JMJD1C: variants seen among roughly 807,000 people sequenced by gnomAD.
JMJD1C encodes jumonji domain containing 1C, also known as jumonji domain-containing protein 1C.
A neutral mutation model predicts 245.3 loss-of-function variants in JMJD1C; 31 were observed. That is an observed-to-expected ratio of 0.13 (90% CI 0.09 to 0.17). The LOEUF is 0.17. Among genes scored for constraint, JMJD1C ranks in the 10% least tolerant of loss-of-function variants. The probability of loss-of-function intolerance (pLI) is 1.00; values close to 1 mark genes in which losing one functional copy is unlikely to be tolerated. For synonymous variants in JMJD1C, 1,057 were observed against 1,017.4 expected (o/e 1.04, Z -0.74); for missense variants, 2,691 against 3,000.2 (o/e 0.90, Z 2.41).
intron 2 of JMJD1C, among the ~76,000 whole-genome samples, chr10:63,266,858 T>C (rs1037190988): frequency 6.6e-6 from 1 of 152,116 alleles, no homozygotes; most frequent in Non-Finnish European, 1.5e-5. Flanking sequence ...AGTCATTTTA[T>C]AATATGAAAA....
chr10:63,500,085 A>G (rs1302086674), intron 1 of JMJD1C, among the ~76,000 whole-genome samples: 2 of 152,234 alleles, frequency 1.3e-5, no homozygotes, highest in African/African-American at 4.8e-5. Flanking sequence ...GAGGCCTGGC[A>G]TGTAATTCAT....
chr10:63,504,005 A>G (rs1287914226), intron 1 of JMJD1C, among the ~76,000 whole-genome samples: 1 of 152,158 alleles, frequency 6.6e-6, no homozygotes, highest in Admixed American at 6.5e-5. Flanking sequence ...TTGAGCTGCT[A>G]CAAGCCACAC....
At chr10:63,465,358 G>A (rs1589800924) in intron 1 of JMJD1C, 137 bp downstream of exon 1, 2 of 900,496 alleles carry the variant, frequency 2.2e-6, no homozygotes, top group East Asian at 5.3e-5. Context: ...GCGGGCAAAC[G>A]CGCCAAGGGT....
intron 5 of JMJD1C, among the ~76,000 whole-genome samples, chr10:63,216,436 C>T (rs776318656): frequency 2.0e-5 from 3 of 152,044 alleles, no homozygotes; most frequent in Middle Eastern, 3.2e-3. Flanking sequence ...AGGAGCCGGG[C>T]GCGGTGGCTC....
intron 1 of JMJD1C, chr10:63,465,221 G>A: frequency 2.5e-6 from 1 of 396,758 alleles, no homozygotes; most frequent in Non-Finnish European, 4.5e-6. Flanking sequence ...GCCACAGCGG[G>A]GAGCCGCGGT....
intron 22 of JMJD1C, among the ~76,000 whole-genome samples, chr10:63,182,352 G>A (rs969486935): frequency 6.6e-6 from 1 of 152,218 alleles, no homozygotes; most frequent in Non-Finnish European, 1.5e-5. Context: ...AGACAGGGGT[G>A]AGTAATAAAC....
intron 3 of JMJD1C, among the ~76,000 whole-genome samples, chr10:63,260,666 T>G (rs1287936120): frequency 6.6e-6 from 1 of 152,124 alleles, no homozygotes; most frequent in African/African-American, 2.4e-5. Context: ...CTCGGCTCAC[T>G]GAAACCTCTG....
At chr10:63,420,389 T>C (rs1950052576) in intron 1 of JMJD1C, among the ~76,000 whole-genome samples, 2 of 152,036 alleles carry the variant, frequency 1.3e-5, no homozygotes, top group East Asian at 1.9e-4. Context: ...AATGGGTCTT[T>C]AAGGCCCATT....
At chr10:63,259,384 G>A (rs1323246926) in intron 3 of JMJD1C, among the ~76,000 whole-genome samples, 3 of 151,802 alleles carry the variant, frequency 2.0e-5, no homozygotes, top group African/African-American at 4.8e-5. Flanking sequence ...AATTCCAAAT[G>A]CCATAGGACA....
intron 18 of JMJD1C, among the ~76,000 whole-genome samples, chr10:63,187,115 G>A (rs1844221373): frequency 6.6e-6 from 1 of 151,766 alleles, no homozygotes; most frequent in Non-Finnish European, 1.5e-5. Context: ...ATAATCTCTA[G>A]CTAGATTTTT....
intron 1 of JMJD1C, among the ~76,000 whole-genome samples, chr10:63,452,483 T>C (rs1952131757): frequency 6.6e-6 from 1 of 152,182 alleles, no homozygotes; most frequent in African/African-American, 2.4e-5. Context: ...TTCATTGCTG[T>C]TGAGAACATA....
chr10:63,443,006 T>C lies in JMJD1C; in HGVS notation c.168+22489A>G, dbSNP rs574579516. Among the ~76,000 whole-genome samples, 3 of 152,336 alleles carry C rather than the reference T, an allele frequency of 2.0e-5. No homozygotes were observed. In the South Asian group the frequency reaches 6.2e-4, roughly 32 times the overall value. Reference sequence around the variant, plus strand: ...GTCTCACAAGACTGCCATTACTTCATACACCAGTCACAAGCATGGGGTTCC... The same window carrying C: ...GTCTCACAAGACTGCCATTACTTCACACACCAGTCACAAGCATGGGGTTCC... On this transcript the variant is annotated intron_variant, in intron 1 of 25. Coordinates refer to ENST00000399262, the MANE Select transcript of JMJD1C (RefSeq NM_032776.3).
At chr10:63,285,198 C>A (rs559517566) in intron 2 of JMJD1C, among the ~76,000 whole-genome samples, 1 of 152,046 alleles carries the variant, frequency 6.6e-6, no homozygotes, top group Non-Finnish European at 1.5e-5. Context: ...GTAGCACGCA[C>A]GACAGAAAAA....
At chr10:63,170,151 T>C (rs1842217141) in intron 24 of JMJD1C, among the ~76,000 whole-genome samples, 1 of 152,234 alleles carries the variant, frequency 6.6e-6, no homozygotes, top group Non-Finnish European at 1.5e-5. Flanking sequence ...ATATAATTTA[T>C]TGATATTCTC....
chr10:63,448,556 C>T lies in JMJD1C; in HGVS notation c.168+16939G>A, dbSNP rs78337181. ...ACATTCTGATCTGTTATTTCCTCAA[C>T]CCTATCAATGTTTAAAAACATTAGA... On this transcript the variant is annotated intron_variant, in intron 1 of 25. Transcript: ENST00000399262. 9.1e-3 allele frequency among the ~76,000 whole-genome samples: 1,383 copies of T among 152,222 alleles called. 21 individuals carry two copies. Among genetic ancestry groups the T allele is most frequent in the African/African-American group, 0.032 (1,310 of 41,518 alleles).
intron 1 of JMJD1C, among the ~76,000 whole-genome samples, chr10:63,521,167 G>A (rs1955210996): frequency 6.6e-6 from 1 of 152,142 alleles, no homozygotes; most frequent in South Asian, 2.1e-4. Flanking sequence ...TTAGAGCGCA[G>A]GGGCCAAGGC....
intron 8 of JMJD1C, among the ~76,000 whole-genome samples, chr10:63,211,823 CAAAAAAA>C (rs59121081): frequency 5.1e-5 from 4 of 77,680 alleles, no homozygotes; most frequent in Admixed American, 1.5e-4. Context: ...GACTCTGTCT[CAAAAAAA>C]AAAAAAAAAA....
chr10:63,514,506 C>T (rs1469555015), intron 1 of JMJD1C, among the ~76,000 whole-genome samples: 1 of 152,098 alleles, frequency 6.6e-6, no homozygotes, highest in Non-Finnish European at 1.5e-5. Context: ...AGGTCATTAT[C>T]CTAAGCAAAT....
chr10:63,379,191 G>GT, intron 2 of JMJD1C, among the ~76,000 whole-genome samples: 1 of 152,118 alleles, frequency 6.6e-6, no homozygotes, highest in East Asian at 1.9e-4. Context: ...AGCTATCCTT[G>GT]TAATTAGTTA....
Sources: allele counts gnomAD v4.1 joint callset (sites outside exome capture counted in the v4.1 genomes callset), GRCh38; gene constraint gnomAD v4.1.1; transcripts MANE v1.5; gene names NCBI Gene and HGNC (gene_info 2026-07-23, HGNC 2026-07-21).